The following ATE1 variants were observed in gnomAD, a reference collection of about 807,000 sequenced individuals.
ATE1 encodes arginyl-tRNA--protein transferase 1.
A neutral mutation model predicts 70.5 loss-of-function variants in ATE1; 36 were observed. That is an observed-to-expected ratio of 0.51 (90% CI 0.39 to 0.67). ATE1 has a LOEUF of 0.67. Among genes scored for constraint, ATE1 ranks in the 30% least tolerant of loss-of-function variants. The pLI is 0.00. For missense variants in ATE1, 593 were observed against 629.5 expected, an observed-to-expected ratio of 0.94 and a Z score of 0.62; for synonymous variants, 232 against 219.3, an observed-to-expected ratio of 1.06 and a Z score of -0.51.
intron 10 of ATE1, among the ~76,000 whole-genome samples, chr10:121,813,996 G>A (rs1184678872): frequency 1.3e-5 from 2 of 152,214 alleles, no homozygotes; most frequent in Non-Finnish European, 2.9e-5. Flanking sequence ...TATGGGAATA[G>A]CAGTGTCCCT....
intron 10 of ATE1, among the ~76,000 whole-genome samples, chr10:121,833,095 CTG>C (rs1948307191): frequency 6.6e-6 from 1 of 152,178 alleles, no homozygotes; most frequent in Non-Finnish European, 1.5e-5. Context: ...GTTGCAAAAA[CTG>C]AGACCAGATG....
intron 10 of ATE1, among the ~76,000 whole-genome samples, chr10:121,822,656 G>A (rs1034198451): frequency 3.3e-5 from 5 of 152,124 alleles, no homozygotes; most frequent in African/African-American, 4.8e-5. Flanking sequence ...GTTTTGATTC[G>A]TACCACATCT....
At chr10:121,923,508 C>T (rs1392196787) in intron 2 of ATE1, among the ~76,000 whole-genome samples, 1 of 152,126 alleles carries the variant, frequency 6.6e-6, no homozygotes, top group Non-Finnish European at 1.5e-5. Context: ...AGTTCCTTAT[C>T]ATGGCATGTG....
At chr10:121,755,960 C>G (rs1409251011) in intron 11 of ATE1, among the ~76,000 whole-genome samples, 1 of 152,176 alleles carries the variant, frequency 6.6e-6, no homozygotes, top group African/African-American at 2.4e-5. Context: ...CCCCCAACAT[C>G]TCAACTCATT....
At chr10:121,762,805 C>T (rs11599785) in intron 11 of ATE1, among the ~76,000 whole-genome samples, 12,204 of 152,248 alleles carry the variant, frequency 0.08, 690 homozygotes, top group Admixed American at 0.16. Context: ...ATATAGCTCA[C>T]ATTTATTTCA....
intron 5 of ATE1, among the ~76,000 whole-genome samples, chr10:121,910,016 C>T (rs182833631): frequency 1.5e-3 from 225 of 152,214 alleles, no homozygotes; most frequent in African/African-American, 5.1e-3. Context: ...TTCACTCCAG[C>T]CTAGGCGGCA....
At chr10:121,796,003 G>A (rs1325288432) in intron 10 of ATE1, among the ~76,000 whole-genome samples, 1 of 152,102 alleles carries the variant, frequency 6.6e-6, no homozygotes, top group Non-Finnish European at 1.5e-5. Flanking sequence ...CTTTCCTAGG[G>A]TGCTGACTTT....
intron 11 of ATE1, among the ~76,000 whole-genome samples, chr10:121,775,641 A>G (rs1222195935): frequency 6.6e-6 from 1 of 152,270 alleles, no homozygotes; most frequent in African/African-American, 2.4e-5. Context: ...AGAATAAAAC[A>G]CAAATTGCAA....
chr10:121,804,506 GA>G (rs1947016737), intron 10 of ATE1, among the ~76,000 whole-genome samples: 1 of 152,162 alleles, frequency 6.6e-6, no homozygotes. Context: ...CCAGATGTGG[GA>G]AAAGTATAAT....
intron 10 of ATE1, among the ~76,000 whole-genome samples, chr10:121,796,417 A>G (rs1420809881): frequency 6.6e-6 from 1 of 152,336 alleles, no homozygotes; most frequent in Admixed American, 6.5e-5. Context: ...AGCAAATCCT[A>G]TGATTCCTGA....
At chr10:121,818,256 CAAAAAAAAAAAAA>C (rs66792557) in intron 10 of ATE1, among the ~76,000 whole-genome samples, 1 of 63,414 alleles carries the variant, frequency 1.6e-5, no homozygotes, top group Non-Finnish European at 2.6e-5. Flanking sequence ...GACTCCATCT[CAAAAAAAAAAAAA>C]AAAAAAAAAA....
chr10:121,913,742 C>T (rs751570178), intron 4 of ATE1, 48 bp downstream of exon 4: 32 of 1,308,090 alleles, frequency 2.4e-5, no homozygotes, highest in Non-Finnish European at 3.4e-5. Flanking sequence ...AAAGTGGGAC[C>T]GTTGCAAAGA....
chr10:121,765,798 G>T (rs1590238402), intron 11 of ATE1, among the ~76,000 whole-genome samples: 1 of 152,116 alleles, frequency 6.6e-6, no homozygotes, highest in Non-Finnish European at 1.5e-5. Context: ...GCAATATTCT[G>T]ATTCACTATT....
At chr10:121,756,225 G>A (rs1187307791) in intron 11 of ATE1, among the ~76,000 whole-genome samples, 4 of 152,188 alleles carry the variant, frequency 2.6e-5, no homozygotes, top group East Asian at 3.9e-4. Flanking sequence ...TCCATGCCTC[G>A]CATCCGGGTC....
intron 9 of ATE1, among the ~76,000 whole-genome samples, chr10:121,837,710 A>C (rs1021885971): frequency 1.4e-4 from 22 of 152,196 alleles, no homozygotes; most frequent in Admixed American, 1.2e-3. Flanking sequence ...TACCGTAAGA[A>C]TTCATTTTTA....
chr10:121,753,571 C>CA (rs1324261054), intron 11 of ATE1, among the ~76,000 whole-genome samples: 2 of 152,012 alleles, frequency 1.3e-5, no homozygotes, highest in African/African-American at 4.8e-5. Flanking sequence ...CAATTGCATA[C>CA]AAAAAAATCA....
chr10:121,744,479 A>G (rs1481379294), intron 11 of ATE1, among the ~76,000 whole-genome samples: 5 of 152,180 alleles, frequency 3.3e-5, no homozygotes, highest in African/African-American at 1.2e-4. Context: ...GGCACATGAT[A>G]AAGTTTACAA....
chr10:121,846,656 C>A (rs1590471230), intron 8 of ATE1: 1 of 152,052 alleles, frequency 6.6e-6, no homozygotes, highest in Non-Finnish European at 1.5e-5. Flanking sequence ...GTACAGATTT[C>A]TTTGTTCCTT....
intron 11 of ATE1, among the ~76,000 whole-genome samples, chr10:121,769,935 G>A (rs4752592): frequency 0.013 from 2,024 of 152,272 alleles, 103 homozygotes; most frequent in East Asian, 0.12. Flanking sequence ...CAGCCATGCC[G>A]GAAAATAGTT....
Sources: allele counts gnomAD v4.1 joint callset (sites outside exome capture counted in the v4.1 genomes callset), GRCh38; gene constraint gnomAD v4.1.1; transcripts MANE v1.5; gene names NCBI Gene and HGNC (gene_info 2026-07-23, HGNC 2026-07-21).